Variants in WARS2 observed in about 807,000 individuals in gnomAD.
WARS2 encodes the protein tryptophan--tRNA ligase, mitochondrial.
WARS2 carries 28 observed loss-of-function variants against 36.5 expected under a neutral mutation model. That is an observed-to-expected ratio of 0.77 (90% CI 0.57 to 1.05). The LOEUF is 1.05. Ranked by LOEUF, WARS2 falls within the 50% of genes least tolerant of loss-of-function variation. WARS2 has a pLI of 0.00. For missense variants in WARS2, 435 were observed against 456.8 expected (o/e 0.95, Z 0.44); for synonymous variants, 174 against 178.4 (o/e 0.98, Z 0.20).
At chr1:119,046,781 T>C (rs984213502) in intron 2 of WARS2, among the ~76,000 whole-genome samples, 3 of 151,902 alleles carry the variant, frequency 2.0e-5, no homozygotes, top group African/African-American at 7.3e-5. Context: ...TGGCTTTTTT[T>C]TTTTTTTTCA....
intron 1 of WARS2, among the ~76,000 whole-genome samples, chr1:119,091,451 T>C (rs587652692): frequency 1.3e-5 from 2 of 152,326 alleles, no homozygotes; most frequent in East Asian, 3.9e-4. Flanking sequence ...TTCAGCCATA[T>C]GTACTTCAGA....
Position 119,033,150 on chromosome 1 carries a change from C to T in WARS2, c.844G>A (p.Val282Met). 2 of 1,614,154 alleles carry T rather than the reference C, an allele frequency of 1.2e-6. No homozygotes were observed. Among genetic ancestry groups the T allele is most frequent in the Middle Eastern group, 1.6e-4 (1 of 6,062 alleles). Residue 282 changes from valine to methionine, a missense_variant, in exon 6 of 6, where the codon GTG becomes ATG. Physicochemically the swap from Val to Met is conservative, Grantham distance 21 (BLOSUM62 1). Coordinates refer to ENST00000235521, the MANE Select transcript of WARS2 (RefSeq NM_015836.4). ...ACTTCCTCCACGGAGAGCCCCGTCA[C>T]CGCGGCATGCACCGCCACTATGTTG... ...VSNIVAVHAA[V>M]TGLSVEEVVR...
chr1:119,140,660 G>T (rs759060043), upstream of WARS2: 1 of 1,608,212 alleles, frequency 6.2e-7, no homozygotes, highest in East Asian at 2.2e-5. Flanking sequence ...GAAGGGCGGA[G>T]CCGTCTTGTT....
In WARS2 at chr1:119,032,676, G is replaced by T; in HGVS notation, c.*235C>A. 3.8e-6 allele frequency: 2 copies of T among 533,008 alleles called. No individual in the cohort carries two copies. Among genetic ancestry groups the T allele is most frequent in the Middle Eastern group, 5.0e-4 (1 of 2,014 alleles). 33.0% of individuals were successfully genotyped at this position (533,008 alleles called of 1,614,324 possible). On this transcript the variant is annotated 3_prime_UTR_variant, in exon 6 of 6. Coordinates refer to ENST00000235521, the MANE Select transcript of WARS2 (RefSeq NM_015836.4). ...GCCTCAATAATTGGGGATTCAGACA[G>T]CTATGCCTTCTTGATTTATTTTTTG...
intron 1 of WARS2, among the ~76,000 whole-genome samples, chr1:119,106,645 T>C (rs1324990567): frequency 6.6e-6 from 1 of 152,204 alleles, no homozygotes; most frequent in African/African-American, 2.4e-5. Context: ...AGCTTGATAG[T>C]TCATTTCTCT....
chr1:119,116,182 G>T (rs911996509), intron 1 of WARS2, among the ~76,000 whole-genome samples: 3 of 152,150 alleles, frequency 2.0e-5, no homozygotes, highest in African/African-American at 4.8e-5. Context: ...AAGTCCTGTG[G>T]TATACAGCAT....
At chr1:119,053,199 A>C (rs564453518) in intron 2 of WARS2, among the ~76,000 whole-genome samples, 55 of 152,328 alleles carry the variant, frequency 3.6e-4, no homozygotes, top group African/African-American at 9.9e-4. Flanking sequence ...TCATAAGAGT[A>C]ATCAAATTTT....
chr1:119,053,774 G>T (rs983930283), intron 2 of WARS2, among the ~76,000 whole-genome samples: 1 of 152,124 alleles, frequency 6.6e-6, no homozygotes, highest in Non-Finnish European at 1.5e-5. Context: ...GGCCAGGTGC[G>T]GTGGCTCACC....
At chr1:119,135,020 CAAGAAAAGGA>C (rs1345031916) in intron 1 of WARS2, among the ~76,000 whole-genome samples, 3 of 151,954 alleles carry the variant, frequency 2.0e-5, no homozygotes, top group African/African-American at 7.3e-5. Flanking sequence ...AGAAAGAAGG[CAAGAAAAGGA>C]AAGAAAGTTG....
At chr1:119,137,388 C>G (rs981342570) in intron 1 of WARS2, among the ~76,000 whole-genome samples, 7 of 152,030 alleles carry the variant, frequency 4.6e-5, no homozygotes, top group African/African-American at 1.4e-4. Flanking sequence ...CTATACTTAG[C>G]GATAGTTAAC....
At chr1:119,051,036 T>A (rs12073744) in intron 2 of WARS2, among the ~76,000 whole-genome samples, 46,800 of 151,890 alleles carry the variant, frequency 0.31, 8,198 homozygotes, top group African/African-American at 0.48. Context: ...GCTTTTTTTT[T>A]AAATTTTATT....
intron 4 of WARS2, 43 bp from the exon 5 acceptor site, chr1:119,034,256 C>G: frequency 6.6e-7 from 1 of 1,506,286 alleles, no homozygotes; most frequent in Non-Finnish European, 9.2e-7. Flanking sequence ...AAGGCTCTTT[C>G]TTAGAGACAG....
chr1:119,032,973 T>C lies in WARS2; in HGVS notation c.1021A>G (p.Lys341Glu). ...LEKVLQIGSA[K>E]AKELAYTVCQ... ...ACAGTGTATGCTAATTCTTTGGCTT[T>C]TGCTGATCCAATTTGTAAAACCTTC... Residue 341 changes from lysine to glutamate, a missense_variant, in exon 6 of 6, where the codon AAA (lysine) becomes GAA (glutamate). Lys to Glu is a moderately conservative substitution (Grantham distance 56). Transcript: ENST00000235521. 1 of 1,614,266 alleles carries C rather than the reference T, an allele frequency of 6.2e-7. No individual in the cohort carries two copies. Among genetic ancestry groups the C allele is most frequent in the Non-Finnish European group, 8.5e-7 (1 of 1,180,052 alleles).
At chr1:119,112,881 G>C (rs1654737906) in intron 1 of WARS2, among the ~76,000 whole-genome samples, 1 of 152,126 alleles carries the variant, frequency 6.6e-6, no homozygotes, top group South Asian at 2.1e-4. Context: ...AGAGTAAGTG[G>C]GGGTTTGCTG....
At chr1:119,075,154 G>GTATATATATATATA (rs774946774) in intron 2 of WARS2, among the ~76,000 whole-genome samples, 4,146 of 150,678 alleles carry the variant, frequency 0.028, 95 homozygotes, top group East Asian at 0.12. Flanking sequence ...AAAAATTAGT[G>GTATATATATATATA]TATATATATA....
intron 2 of WARS2, among the ~76,000 whole-genome samples, chr1:119,066,010 C>CA (rs1158367983): frequency 1.3e-5 from 2 of 151,894 alleles, no homozygotes; most frequent in Non-Finnish European, 2.9e-5. Context: ...CAAAACTTAC[C>CA]ACATTCAAGA....
At position 119,076,586 on chromosome 1, in the gene WARS2, A is replaced by G; in HGVS notation, c.112T>C (p.Phe38Leu). Residue 38 changes from phenylalanine (F) to leucine (L), a missense_variant, in exon 2 of 6, where the codon TTT (phenylalanine) becomes CTT (leucine). Phe to Leu is a conservative substitution (Grantham distance 22). Coordinates refer to ENST00000235521, the MANE Select transcript of WARS2 (RefSeq NM_015836.4). ...ALQKDSKKRV[F>L]SGIQPTGILH... ...ATTCCTGTAGGTTGAATGCCGGAAA[A>G]TACTCGCTTCTTGCTGTCTTTCTGG... The G allele has an allele frequency of 6.2e-7, 1 of 1,614,154 alleles. No homozygotes were observed.
chr1:119,033,455 T>C, intron 5 of WARS2, 96 bp from the exon 6 acceptor site: 3 of 1,485,482 alleles, frequency 2.0e-6, no homozygotes, highest in Non-Finnish European at 2.8e-6. Flanking sequence ...CTTGCAATGG[T>C]TTGAATTATG....
At chr1:119,106,671 G>T (rs1571367033) in intron 1 of WARS2, among the ~76,000 whole-genome samples, 1 of 152,156 alleles carries the variant, frequency 6.6e-6, no homozygotes, top group East Asian at 1.9e-4. Flanking sequence ...GCTGAAGAGT[G>T]TTCCATTGTC....
Sources: allele counts gnomAD v4.1 joint callset (sites outside exome capture counted in the v4.1 genomes callset), GRCh38; gene constraint gnomAD v4.1.1; transcripts MANE v1.5; gene names NCBI Gene and HGNC (gene_info 2026-07-23, HGNC 2026-07-21).